NDC80: variants seen among roughly 807,000 people sequenced by gnomAD.
NDC80 encodes kinetochore protein NDC80 homolog.
Under a neutral mutation model 89.3 loss-of-function variants are expected in NDC80, and 69 were observed. The ratio of observed to expected loss-of-function variants is 0.77; its 90% CI spans 0.64 to 0.94. The LOEUF is 0.94. NDC80 is among the 40% of genes least tolerant of loss of function. The probability of loss-of-function intolerance (pLI) is 0.00; values close to 1 mark genes in which losing one functional copy is unlikely to be tolerated. For synonymous variants in NDC80, 243 were observed against 255.6 expected (o/e 0.95, Z 0.47); for missense variants, 593 against 739.6 (o/e 0.80, Z 2.30).
chr18:2,604,897 T>C (rs2072702037), intron 13 of NDC80, among the ~76,000 whole-genome samples: 1 of 152,180 alleles, frequency 6.6e-6, no homozygotes, highest in South Asian at 2.1e-4. Flanking sequence ...ACTGTTGGCC[T>C]TTTGAAGAAT....
chr18:2,582,279 G>A (rs1316220586), intron 6 of NDC80: 1 of 152,116 alleles, frequency 6.6e-6, no homozygotes, highest in Non-Finnish European at 1.5e-5. Context: ...GTGTCACCAT[G>A]TTGGCCAGGC....
intron 16 of NDC80, among the ~76,000 whole-genome samples, chr18:2,615,491 A>G (rs1051354489): frequency 4.6e-5 from 7 of 152,172 alleles, no homozygotes; most frequent in African/African-American, 1.7e-4. Flanking sequence ...TGACTCTGAC[A>G]CTGGTGATTT....
chr18:2,575,731 G>A (rs2072543197), intron 3 of NDC80, among the ~76,000 whole-genome samples: 1 of 152,124 alleles, frequency 6.6e-6, no homozygotes, highest in African/African-American at 2.4e-5. Flanking sequence ...TCAAGACCTA[G>A]CTGGGCAATA....
At chr18:2,613,725 T>G (rs1023848601) in intron 16 of NDC80, among the ~76,000 whole-genome samples, 1 of 152,156 alleles carries the variant, frequency 6.6e-6, no homozygotes, top group Admixed American at 6.5e-5. Context: ...CACAAAAAAA[T>G]TATTTACAAA....
At chr18:2,596,390 G>A (rs2072656784) in intron 11 of NDC80, among the ~76,000 whole-genome samples, 1 of 151,764 alleles carries the variant, frequency 6.6e-6, no homozygotes, top group Non-Finnish European at 1.5e-5. Flanking sequence ...CTTCTCAAAA[G>A]AAGACATTTA....
At chr18:2,601,278 G>T (rs2072682674) in intron 12 of NDC80, 118 bp from the exon 13 acceptor site, 2 of 397,966 alleles carry the variant, frequency 5.0e-6, no homozygotes, top group Non-Finnish European at 9.1e-6. Flanking sequence ...GATTTAAAAT[G>T]TTATAACTTC....
At chr18:2,603,809 G>T (rs561664943) in intron 13 of NDC80, among the ~76,000 whole-genome samples, 1 of 152,224 alleles carries the variant, frequency 6.6e-6, no homozygotes, top group African/African-American at 2.4e-5. Flanking sequence ...GTGAAAAAGA[G>T]AATTTGCTCT....
intron 5 of NDC80, 140 bp downstream of exon 5, chr18:2,578,281 G>T: frequency 1.3e-6 from 1 of 788,786 alleles, no homozygotes. Flanking sequence ...AGGATAAATT[G>T]AAGAGAAAAA....
chr18:2,580,076 A>G lies in NDC80; in HGVS notation c.579+1047A>G, dbSNP rs536560600. ...TTTTATTTCACCTTTGCTTTTTGCC[A>G]TGAATTTGAATCTTTATATATTAAA... On this transcript the variant is annotated intron_variant, in intron 6 of 16. Transcript: ENST00000261597. 5.1e-4 allele frequency among the ~76,000 whole-genome samples: 77 copies of G among 152,052 alleles called. No homozygotes were observed. The East Asian group carries it at 0.013, about 26-fold the overall frequency.
Position 2,590,032 on chromosome 18 carries a change from G to A in NDC80, c.885G>A (p.Ser295=), listed in dbSNP as rs144899651. ...TTCTCTTAAAGAATCGTCTAGAGTC[G>A]TTGAGAAAACTGAAGGCTTCCTTAC... The part of the protein sequence containing the change: ...EREKEPNRLE[S]LRKLKASLQG... Residue 295 remains serine (S), a synonymous_variant, in exon 10 of 17, where the codon TCG becomes TCA. Coordinates refer to ENST00000261597, the MANE Select transcript of NDC80 (RefSeq NM_006101.3). 110 of 1,600,010 alleles carry A rather than the reference G, an allele frequency of 6.9e-5. 1 individual carries two copies. In the Middle Eastern group the frequency reaches 1.5e-3, roughly 22 times the overall value.
intron 7 of NDC80, among the ~76,000 whole-genome samples, chr18:2,586,851 TA>T (rs2072605155): frequency 1.3e-5 from 2 of 152,200 alleles, no homozygotes; most frequent in Admixed American, 1.3e-4. Context: ...TGGGAAACTA[TA>T]AAGTACTCTT....
intron 7 of NDC80, among the ~76,000 whole-genome samples, chr18:2,586,660 G>A (rs2072604356): frequency 6.6e-6 from 1 of 152,086 alleles, no homozygotes; most frequent in South Asian, 2.1e-4. Context: ...AGCCCAGGAG[G>A]TCAAGGCTAC....
At position 2,595,630 on chromosome 18, in the gene NDC80, T is replaced by A. The variant is rs117426949; in HGVS notation, c.1221+9T>A. ...CCAGAGGCAAAGAAGCGGTATGTCA[T>A]ACCATTTCCAGAGTGGCAACTCATC... On this transcript the variant is annotated intron_variant, in intron 11 of 16. Transcript: ENST00000261597. 6.8e-3 allele frequency: 10,976 copies of A among 1,611,170 alleles called. 70 individuals are homozygous for A. Among genetic ancestry groups the A allele is most frequent in the South Asian group, 0.012 (1,116 of 90,854 alleles).
intron 1 of NDC80, among the ~76,000 whole-genome samples, chr18:2,572,611 C>G (rs776558667): frequency 7.9e-5 from 12 of 152,186 alleles, no homozygotes; most frequent in African/African-American, 2.7e-4. Flanking sequence ...GAAATAGGCA[C>G]AGCCAACAGC....
chr18:2,577,700 A>G, intron 3 of NDC80, 46 bp from the exon 4 acceptor site: 3 of 1,601,926 alleles, frequency 1.9e-6, no homozygotes, highest in Non-Finnish European at 2.6e-6. Context: ...AGACTTGATC[A>G]CAGAAGCAAA....
intron 6 of NDC80, chr18:2,579,337 C>G: frequency 4.1e-6 from 1 of 244,444 alleles, no homozygotes; most frequent in Non-Finnish European, 7.7e-6. Context: ...AATCCATATT[C>G]ACTGCAAGAA....
Position 2,595,594 on chromosome 18 carries a change from G to A in NDC80, c.1194G>A (p.Glu398=), listed in dbSNP as rs1476693869. 2 of 1,613,498 alleles carry A rather than the reference G, an allele frequency of 1.2e-6. No homozygotes were observed. Among genetic ancestry groups the A allele is most frequent in the East Asian group, 2.2e-5 (1 of 44,836 alleles). Reference sequence around the variant, plus strand: ...AACAACAGAAGTTGTGGAATGAGGAGTTAAAATATGCCAGAGGCAAAGAAG... The same window carrying A: ...AACAACAGAAGTTGTGGAATGAGGAATTAAAATATGCCAGAGGCAAAGAAG... ...EAEQQKLWNE[E]LKYARGKEAI... The change falls in exon 11 of 17, where the codon GAG becomes GAA. Residue 398 remains glutamate (E), a synonymous_variant. Transcript: ENST00000261597.
In NDC80 at chr18:2,571,662, G is replaced by T. The variant is rs1378919169; in HGVS notation, c.-31G>T. On this transcript the variant is annotated 5_prime_UTR_variant, in exon 1 of 17. Transcript: ENST00000261597. ...TTTACAGAAATTCGGTCCCTGGGTC[G>T]TGTCAGGAAACTGGAAAAAAGGTGA... 2 of 152,336 alleles carry T rather than the reference G, an allele frequency of 1.3e-5. No individual in the cohort carries two copies. Among genetic ancestry groups the T allele is most frequent in the African/African-American group, 4.8e-5 (2 of 41,464 alleles). 9.4% of individuals were successfully genotyped at this position (152,336 alleles called of 1,614,324 possible).
rs909439185 is a variant in NDC80 at position 2,578,836 on chromosome 18, G to A, written c.477-91G>A. On this transcript the variant is annotated intron_variant, in intron 5 of 16. Transcript: ENST00000261597. Reference sequence around the variant, plus strand: ...CAAGTCAAGACTGAGTGTGTATGTGGAATTTTTTAAATGTAACTTCTTGAT... The same window carrying A: ...CAAGTCAAGACTGAGTGTGTATGTGAAATTTTTTAAATGTAACTTCTTGAT... The A allele has an allele frequency of 9.8e-6, 7 of 716,324 alleles. No homozygotes were observed. The Admixed American group carries it at 1.2e-4, about 12-fold the overall frequency. The allele number at this position is 716,324 out of a possible 1,614,324, so 44.4% of individuals were successfully genotyped here.
Sources: allele counts gnomAD v4.1 joint callset (sites outside exome capture counted in the v4.1 genomes callset), GRCh38; gene constraint gnomAD v4.1.1; transcripts MANE v1.5; gene names NCBI Gene and HGNC (gene_info 2026-07-23, HGNC 2026-07-21).